ABTB3: variants seen among roughly 807,000 people sequenced by gnomAD.
ABTB3 encodes ankyrin repeat- and BTB/POZ domain-containing protein 3.
chr12:107,449,221 T>A, the ABTB3 span, among the ~76,000 whole-genome samples: 1 of 152,104 alleles, frequency 6.6e-6, no homozygotes, highest in Non-Finnish European at 1.5e-5. Context: ...CATCAGAAGG[T>A]GCTATTGGGA....
the ABTB3 span, among the ~76,000 whole-genome samples, chr12:107,454,214 A>T: frequency 6.6e-6 from 1 of 152,198 alleles, no homozygotes; most frequent in South Asian, 2.1e-4. Flanking sequence ...TTATCTGGGC[A>T]TGCCCAGAAG....
At chr12:107,581,047 C>T in the ABTB3 span, 1 of 1,548,636 alleles carries the variant, frequency 6.5e-7, no homozygotes, top group Non-Finnish European at 8.7e-7. Flanking sequence ...GCTGGGGAGT[C>T]GGGAGATGGG....
the ABTB3 span, among the ~76,000 whole-genome samples, chr12:107,371,145 A>G: frequency 3.3e-5 from 5 of 152,090 alleles, no homozygotes; most frequent in Non-Finnish European, 5.9e-5. Flanking sequence ...TGGGACCTGT[A>G]TGTAGGCTCT....
the ABTB3 span, among the ~76,000 whole-genome samples, chr12:107,343,060 G>T: frequency 8.5e-5 from 13 of 152,066 alleles, no homozygotes; most frequent in African/African-American, 3.1e-4. Context: ...TGTCACCCAG[G>T]CTGGAGTGCA....
the ABTB3 span, among the ~76,000 whole-genome samples, chr12:107,424,057 C>T: frequency 0.012 from 1,861 of 152,308 alleles, 34 homozygotes; most frequent in African/African-American, 0.042. Flanking sequence ...AGCTGTGCCA[C>T]GTGACGTGGG....
At chr12:107,488,331 T>C in the ABTB3 span, among the ~76,000 whole-genome samples, 5 of 152,164 alleles carry the variant, frequency 3.3e-5, no homozygotes, top group African/African-American at 1.2e-4. Context: ...AGCAGTATAC[T>C]TTAAATGGAT....
chr12:107,372,533 G>T, the ABTB3 span, among the ~76,000 whole-genome samples: 1 of 152,086 alleles, frequency 6.6e-6, no homozygotes, highest in Non-Finnish European at 1.5e-5. Context: ...TACCAAGGGG[G>T]GCCATAAGGT....
the ABTB3 span, among the ~76,000 whole-genome samples, chr12:107,607,693 C>T: frequency 2.0e-5 from 3 of 152,182 alleles, no homozygotes; most frequent in Non-Finnish European, 4.4e-5. Flanking sequence ...CCCAGCAGCT[C>T]CCCCTGGTGG....
At chr12:107,493,829 G>T in the ABTB3 span, among the ~76,000 whole-genome samples, 1 of 151,938 alleles carries the variant, frequency 6.6e-6, no homozygotes, top group African/African-American at 2.4e-5. Flanking sequence ...CAGGAAATGC[G>T]AAGCATTGCC....
the ABTB3 span, chr12:107,581,050 G>T: frequency 1.3e-6 from 2 of 1,549,162 alleles, no homozygotes; most frequent in Non-Finnish European, 1.7e-6. Flanking sequence ...GGGGAGTCGG[G>T]AGATGGGGGG....
At chr12:107,374,807 G>A in the ABTB3 span, 1 of 156,804 alleles carries the variant, frequency 6.4e-6, no homozygotes, top group Non-Finnish European at 1.4e-5. Flanking sequence ...GTTGATGAAT[G>A]CCAACGGCTC....
At chr12:107,346,078 G>A in the ABTB3 span, among the ~76,000 whole-genome samples, 2 of 152,218 alleles carry the variant, frequency 1.3e-5, no homozygotes, top group African/African-American at 4.8e-5. Context: ...CACACCTGGG[G>A]CTGTTGAGAG....
the ABTB3 span, among the ~76,000 whole-genome samples, chr12:107,323,304 A>T: frequency 6.6e-6 from 1 of 152,082 alleles, no homozygotes; most frequent in Non-Finnish European, 1.5e-5. Context: ...TCTTACTGCC[A>T]TTTCTGTACC....
chr12:107,362,324 G>T, the ABTB3 span, among the ~76,000 whole-genome samples: 2 of 152,242 alleles, frequency 1.3e-5, no homozygotes, highest in African/African-American at 4.8e-5. Flanking sequence ...GAGGATGCGT[G>T]GATGAGCTCA....
the ABTB3 span, among the ~76,000 whole-genome samples, chr12:107,563,669 G>T: frequency 6.6e-6 from 1 of 152,128 alleles, no homozygotes; most frequent in Non-Finnish European, 1.5e-5. Context: ...GTTATGGAGG[G>T]CTCTTGGAGA....
the ABTB3 span, among the ~76,000 whole-genome samples, chr12:107,340,299 G>T: frequency 2.0e-5 from 3 of 152,168 alleles, no homozygotes; most frequent in Admixed American, 1.3e-4. Flanking sequence ...TTGACATAAA[G>T]AAACCCAGCT....
the ABTB3 span, among the ~76,000 whole-genome samples, chr12:107,336,269 C>T: frequency 2.0e-4 from 31 of 152,356 alleles, no homozygotes; most frequent in Middle Eastern, 3.4e-3. Context: ...CATTCCCAAA[C>T]GCTGACGTGA....
At chr12:107,508,666 TCTTGATCTCCTGAC>T in the ABTB3 span, among the ~76,000 whole-genome samples, 1 of 151,964 alleles carries the variant, frequency 6.6e-6, no homozygotes, top group Admixed American at 6.6e-5. Context: ...GCCAGGATGG[TCTTGATCTCCTGAC>T]CTTGTGATCT....
chr12:107,610,116 G>C, the ABTB3 span: 57 of 1,562,104 alleles, frequency 3.6e-5, 1 homozygote, highest in Non-Finnish European at 5.0e-5. Flanking sequence ...GTCCCAGGGT[G>C]CTTCCTGCGG....
Sources: allele counts gnomAD v4.1 joint callset (sites outside exome capture counted in the v4.1 genomes callset), GRCh38; gene constraint gnomAD v4.1.1; transcripts MANE v1.5; gene names NCBI Gene and HGNC (gene_info 2026-07-23, HGNC 2026-07-21).